Variants in LGALS8 observed in about 807,000 individuals in gnomAD.
LGALS8 encodes the protein galectin-8.
A neutral mutation model predicts 35.9 loss-of-function variants in LGALS8; 30 were observed. The observed-to-expected ratio is 0.83, with a 90% confidence interval of 0.62 to 1.13. The LOEUF (loss-of-function observed/expected upper bound fraction) is 1.13, where lower values mean the gene tolerates loss of function less well. Among genes scored for constraint, LGALS8 ranks in the 50% most tolerant of loss-of-function variants. The pLI is 0.00. For missense variants in LGALS8, 366 were observed against 388.7 expected (o/e 0.94, Z 0.49); for synonymous variants, 138 against 136.1 (o/e 1.01, Z -0.10).
intron 1 of LGALS8, chr1:236,518,333 G>C (rs1660456998): frequency 1.3e-5 from 2 of 152,148 alleles, no homozygotes; most frequent in Admixed American, 6.6e-5. Flanking sequence ...TGAAAAAAAA[G>C]AGTTTGGTGC....
chr1:236,538,101 A>AAAAAAAAAAAAAAAAAT (rs371245157), intron 3 of LGALS8, among the ~76,000 whole-genome samples: 1 of 96,074 alleles, frequency 1.0e-5, no homozygotes. Flanking sequence ...AAAAAAAAGA[A>AAAAAAAAAAAAAAAAAT]AAAGAAAAAG....
Position 236,549,224 on chromosome 1 carries a change from C to T in LGALS8, c.*1063C>T. 2.6e-6 allele frequency: 1 copy of T among 377,590 alleles called. No homozygotes were observed. The highest frequency in any genetic ancestry group is 3.7e-5 in the East Asian group (1 of 26,686). The allele number at this position is 377,590 out of a possible 1,614,324, so 23.4% of individuals were successfully genotyped here. A position where few individuals can be genotyped will look rare whatever the true frequency, so the allele number is the denominator to read the frequency against. ...CATTAGCAACTGAGATCAAAGCACT[C>T]TTCCACTTTACGTGATTAAAATCAA... is the stretch of plus-strand genomic sequence containing the variant. On this transcript the variant is annotated 3_prime_UTR_variant, in exon 10 of 10. Transcript: ENST00000366584.
intron 2 of LGALS8, among the ~76,000 whole-genome samples, chr1:236,532,110 TC>T (rs1661182925): frequency 1.3e-5 from 2 of 151,996 alleles, no homozygotes; most frequent in Admixed American, 1.3e-4. Context: ...AAAATTCTGG[TC>T]CCCCAGAAGG....
chr1:236,531,510 A>G (rs1661145180), intron 2 of LGALS8, among the ~76,000 whole-genome samples: 1 of 152,024 alleles, frequency 6.6e-6, no homozygotes, highest in African/African-American at 2.4e-5. Flanking sequence ...TATTTTTAGT[A>G]GAGACGGGGT....
intron 7 of LGALS8, 46 bp from the exon 8 acceptor site, chr1:236,543,514 A>G (rs779055715): frequency 7.3e-7 from 1 of 1,364,482 alleles, no homozygotes; most frequent in African/African-American, 1.4e-5. Context: ...TTCCCTGGAG[A>G]TCGCTTTCTG....
At chr1:236,524,594 C>A (rs1262236606) in intron 1 of LGALS8, 4 of 363,808 alleles carry the variant, frequency 1.1e-5, no homozygotes, top group Admixed American at 6.8e-5. Flanking sequence ...TTCCTTTGAC[C>A]GTACGTGAAA....
upstream of LGALS8, chr1:236,523,909 A>AC (rs1319534756): frequency 2.8e-6 from 1 of 355,300 alleles, no homozygotes; most frequent in Non-Finnish European, 5.6e-6. Flanking sequence ...TGGGGAGACC[A>AC]CAGCAGTGAG....
intron 9 of LGALS8, among the ~76,000 whole-genome samples, chr1:236,547,360 T>C (rs1432268497): frequency 6.6e-6 from 1 of 152,214 alleles, no homozygotes; most frequent in Non-Finnish European, 1.5e-5. Flanking sequence ...TCTGAATTTG[T>C]AGTATGTGCA....
Position 236,551,913 on chromosome 1 carries a change from T to C in LGALS8, c.*3752T>C. On this transcript the variant is annotated 3_prime_UTR_variant, in exon 10 of 10. Coordinates refer to ENST00000366584, the MANE Select transcript of LGALS8 (RefSeq NM_201544.4). The stretch of plus-strand genomic sequence containing the variant: ...AACTGCTAGTCACGTTATATCCAAA[T>C]CTGCATTATCATTGGGCACATTTTC... 1 of 871,754 alleles carries C rather than the reference T, an allele frequency of 1.1e-6. No homozygotes were observed. Among genetic ancestry groups the C allele is most frequent in the Non-Finnish European group, 1.9e-6 (1 of 528,176 alleles). 54.0% of individuals were successfully genotyped at this position (871,754 alleles called of 1,614,324 possible). A position where few individuals can be genotyped will look rare whatever the true frequency, so the allele number is the denominator to read the frequency against.
intron 3 of LGALS8, among the ~76,000 whole-genome samples, chr1:236,538,597 C>T (rs2472125): frequency 0.61 from 93,063 of 152,170 alleles, 29,360 homozygotes; most frequent in Non-Finnish European, 0.69. Context: ...TTCCATCTTA[C>T]CAGCAGAGCT....
At chr1:236,543,950 CT>C (rs67516195) in intron 8 of LGALS8, among the ~76,000 whole-genome samples, 78,397 of 147,352 alleles carry the variant, frequency 0.53, 22,562 homozygotes, top group Non-Finnish European at 0.65. Flanking sequence ...AACATCTTTT[CT>C]TTTTTTTTTT....
intron 7 of LGALS8, chr1:236,543,044 T>C: frequency 6.2e-7 from 1 of 1,613,766 alleles, no homozygotes; most frequent in Non-Finnish European, 8.5e-7. Flanking sequence ...GTCAAAGGTT[T>C]GAAGAGCACC....
Position 236,538,101 on chromosome 1 carries a change from A to AAAAAAAAAAAAAAAAAAAAAAG in LGALS8, c.134+519_134+520insAAAAAAAAAAAAAAAAAAGAAA, listed in dbSNP as rs371245157. Among the ~76,000 whole-genome samples the AAAAAAAAAAAAAAAAAAAAAAG allele has an allele frequency of 5.0e-3, 481 of 95,974 alleles. 72 individuals are homozygous for AAAAAAAAAAAAAAAAAAAAAAG. The highest frequency in any genetic ancestry group is 0.011 in the Middle Eastern group (2 of 178). 63.0% of individuals were successfully genotyped at this position (95,974 alleles called of 152,430 possible). A position where few individuals can be genotyped will look rare whatever the true frequency, so the allele number is the denominator to read the frequency against. On this transcript the variant is annotated intron_variant, in intron 3 of 9. Coordinates refer to ENST00000366584, the MANE Select transcript of LGALS8 (RefSeq NM_201544.4). ...GCCTGGGTGACAAAAAAAAAAAAGA[A>AAAAAAAAAAAAAAAAAAAAAAG]AAAGAAAAAGAATTAGGTATGTCAT... is the stretch of plus-strand genomic sequence containing the variant.
intron 2 of LGALS8, among the ~76,000 whole-genome samples, chr1:236,534,379 G>C (rs1362286243): frequency 6.6e-6 from 1 of 152,154 alleles, no homozygotes; most frequent in Non-Finnish European, 1.5e-5. Context: ...ATCAGCAAGG[G>C]TGTTTTGGGA....
At chr1:236,535,235 C>T (rs2040098) in intron 2 of LGALS8, among the ~76,000 whole-genome samples, 1 of 151,656 alleles carries the variant, frequency 6.6e-6, no homozygotes, top group Non-Finnish European at 1.5e-5. Flanking sequence ...AAATTAAAAT[C>T]CCATCATCCC....
At chr1:236,529,198 G>A (rs1314901940) in intron 2 of LGALS8, among the ~76,000 whole-genome samples, 2 of 152,242 alleles carry the variant, frequency 1.3e-5, no homozygotes, top group African/African-American at 4.8e-5. Context: ...GATTGCTTGA[G>A]CCCAGGAGGT....
rs962142215 is a variant in LGALS8 at position 236,526,599 on chromosome 1, G to A, written c.45+484G>A. Among the ~76,000 whole-genome samples, 1 of 152,124 alleles carries A rather than the reference G, an allele frequency of 6.6e-6. No individual in the cohort carries two copies. Among genetic ancestry groups the A allele is most frequent in the Admixed American group, 6.5e-5 (1 of 15,270 alleles). On this transcript the variant is annotated intron_variant, in intron 2 of 9. Coordinates refer to ENST00000366584, the MANE Select transcript of LGALS8 (RefSeq NM_201544.4). This position sits in a 1 kb window ranked among gnomAD's most constrained non-coding sequence, Gnocchi z 4.6. ...GAGAGTGTGAAGTAGTAAGGGTCTCGTGCAGTTCAGGCAGGTCCTAGAATC... is the reference window on the plus strand; with the variant it reads ...GAGAGTGTGAAGTAGTAAGGGTCTCATGCAGTTCAGGCAGGTCCTAGAATC...
At chr1:236,547,164 G>C (rs924423254) in intron 9 of LGALS8, among the ~76,000 whole-genome samples, 2 of 152,214 alleles carry the variant, frequency 1.3e-5, no homozygotes, top group African/African-American at 4.8e-5. Flanking sequence ...CACAGGGAGA[G>C]CTCAGTGCAG....
At chr1:236,532,284 C>G (rs546233921) in intron 2 of LGALS8, among the ~76,000 whole-genome samples, 1 of 152,302 alleles carries the variant, frequency 6.6e-6, no homozygotes, top group African/African-American at 2.4e-5. Flanking sequence ...AGCAGTCAGG[C>G]CTGCCAATGT....
Sources: gnomAD v4.1 joint callset for allele counts (sites outside exome capture counted in the v4.1 genomes callset) on GRCh38, gnomAD v4.1.1 for gene constraint, Gnocchi (gnomAD v3.1) non-coding constraint, MANE v1.5 for transcripts, NCBI Gene and HGNC (gene_info 2026-07-23, HGNC 2026-07-21) for gene names.